The following LRRTM3 variants were observed in gnomAD, a reference collection of about 807,000 sequenced individuals.
LRRTM3 encodes the protein leucine-rich repeat transmembrane neuronal protein 3.
Under a neutral mutation model 44.7 loss-of-function variants are expected in LRRTM3, and 24 were observed. That is an observed-to-expected ratio of 0.54 (90% CI 0.39 to 0.76). LRRTM3 has a LOEUF of 0.76. Ranked by LOEUF, LRRTM3 falls within the 30% of genes least tolerant of loss-of-function variation. The pLI is 0.00. For synonymous variants in LRRTM3, 277 were observed against 278.7 expected, an observed-to-expected ratio of 0.99 and a Z score of 0.06; for missense variants, 587 against 702.2, an observed-to-expected ratio of 0.84 and a Z score of 1.85.
chr10:66,955,137 G>A (rs1848721633), intron 2 of LRRTM3, among the ~76,000 whole-genome samples: 1 of 152,020 alleles, frequency 6.6e-6, no homozygotes, highest in Non-Finnish European at 1.5e-5. Flanking sequence ...ACTTTTCCTA[G>A]GTGCCTTTGG....
At chr10:66,996,966 T>C (rs1851390301) in intron 2 of LRRTM3, among the ~76,000 whole-genome samples, 1 of 152,114 alleles carries the variant, frequency 6.6e-6, no homozygotes, top group Non-Finnish European at 1.5e-5. Flanking sequence ...TAATATTTTA[T>C]CTTGGATTAA....
chr10:67,031,823 CAAG>C (rs911045367), intron 2 of LRRTM3, among the ~76,000 whole-genome samples: 123 of 152,278 alleles, frequency 8.1e-4, no homozygotes, highest in African/African-American at 3.0e-3. Context: ...AATCCTGAAT[CAAG>C]AAGGACAGAT....
In LRRTM3 at chr10:67,046,035, A is replaced by G. The variant is rs1252725296; in HGVS notation, c.1537-51552A>G. On this transcript the variant is annotated intron_variant, in intron 2 of 2. Coordinates refer to ENST00000361320, the MANE Select transcript of LRRTM3 (RefSeq NM_178011.5). ...TGTATCATTACATAAAATAAAAGTGAAAAAGAAATACAACAAATTTCAGAC... is the reference window on the plus strand; with the variant it reads ...TGTATCATTACATAAAATAAAAGTGGAAAAGAAATACAACAAATTTCAGAC... 2.0e-5 allele frequency among the ~76,000 whole-genome samples: 3 copies of G among 152,328 alleles called. No homozygotes were observed. In the East Asian group the frequency reaches 5.8e-4, roughly 29 times the overall value.
At chr10:67,015,526 C>T (rs969377954) in intron 2 of LRRTM3, 4 of 152,136 alleles carry the variant, frequency 2.6e-5, no homozygotes, top group Admixed American at 2.6e-4. Flanking sequence ...AAATTGAAAG[C>T]CAACCTTTAT....
At chr10:67,061,515 G>T (rs1402376587) in intron 2 of LRRTM3, among the ~76,000 whole-genome samples, 1 of 152,088 alleles carries the variant, frequency 6.6e-6, no homozygotes, top group African/African-American at 2.4e-5. Context: ...ATCTTTAGCT[G>T]GAGTGGAGGC....
At position 67,029,134 on chromosome 10, in the gene LRRTM3, A is replaced by T. The variant is rs551174116; in HGVS notation, c.1537-68453A>T. ...TCTTTATGTCTCTCTACTGTTCAGCATAATCACCTCTTTTATTAGCTGATG... is the reference window on the plus strand; with the variant it reads ...TCTTTATGTCTCTCTACTGTTCAGCTTAATCACCTCTTTTATTAGCTGATG... On this transcript the variant is annotated intron_variant, in intron 2 of 2. Coordinates refer to ENST00000361320, the MANE Select transcript of LRRTM3 (RefSeq NM_178011.5). Among the ~76,000 whole-genome samples, 24 of 152,344 alleles carry T rather than the reference A, an allele frequency of 1.6e-4. 1 individual carries two copies. In the South Asian group the frequency reaches 3.9e-3, roughly 25 times the overall value.
At chr10:67,059,063 A>G (rs1388041027) in intron 2 of LRRTM3, among the ~76,000 whole-genome samples, 1 of 152,212 alleles carries the variant, frequency 6.6e-6, no homozygotes, top group African/African-American at 2.4e-5. Flanking sequence ...ATTGATAAAT[A>G]TCTGCACACA....
At chr10:66,968,578 TCTC>T (rs1307933983) in intron 2 of LRRTM3, among the ~76,000 whole-genome samples, 1 of 151,924 alleles carries the variant, frequency 6.6e-6, no homozygotes, top group Non-Finnish European at 1.5e-5. Flanking sequence ...AAAAAGGTTG[TCTC>T]CTCAGTGCCT....
chr10:66,926,038 C>A lies in LRRTM3; in HGVS notation c.-546C>A, dbSNP rs754874543. The A allele has an allele frequency of 4.4e-6, 2 of 456,932 alleles. No homozygotes were observed. Among genetic ancestry groups the A allele is most frequent in the South Asian group, 3.1e-5 (2 of 64,572 alleles). 28.3% of individuals were successfully genotyped at this position (456,932 alleles called of 1,614,324 possible). ...ACTGCATTCACTGAAACCAAAGCAA[C>A]AGTCCGAGCAGCTTTCAGAATGACA... On this transcript the variant is annotated 5_prime_UTR_variant, in exon 1 of 3. Coordinates refer to ENST00000361320, the MANE Select transcript of LRRTM3 (RefSeq NM_178011.5).
chr10:66,963,467 C>T (rs575526766), intron 2 of LRRTM3, among the ~76,000 whole-genome samples: 32 of 152,208 alleles, frequency 2.1e-4, no homozygotes, highest in Non-Finnish European at 3.8e-4. Context: ...CTCTTGACAA[C>T]GATTACTTTC....
At chr10:67,014,459 T>A (rs2133050639) in intron 2 of LRRTM3, among the ~76,000 whole-genome samples, 1 of 152,320 alleles carries the variant, frequency 6.6e-6, no homozygotes, top group South Asian at 2.1e-4. Context: ...GGTGCCTGTT[T>A]GTAACATATG....
intron 2 of LRRTM3, among the ~76,000 whole-genome samples, chr10:67,097,347 C>T (rs773861061): frequency 9.9e-5 from 15 of 151,878 alleles, no homozygotes; most frequent in Admixed American, 3.3e-4. Context: ...ATGTAGGCTA[C>T]TACTTATCCA....
chr10:66,972,662 G>A (rs1239699037), intron 2 of LRRTM3, among the ~76,000 whole-genome samples: 1 of 146,124 alleles, frequency 6.8e-6, no homozygotes, highest in Non-Finnish European at 1.5e-5. Context: ...AATATTAAAA[G>A]CTTTATATAG....
chr10:67,027,809 G>C (rs1853485064), intron 2 of LRRTM3, among the ~76,000 whole-genome samples: 1 of 152,046 alleles, frequency 6.6e-6, no homozygotes, highest in South Asian at 2.1e-4. Context: ...CCTACAAAGA[G>C]TATATTCGTT....
intron 2 of LRRTM3, 25 bp downstream of exon 2, chr10:66,928,477 G>T (rs780767820): frequency 6.5e-7 from 1 of 1,549,618 alleles, no homozygotes; most frequent in Non-Finnish European, 8.7e-7. Flanking sequence ...GATAAAAAGA[G>T]CTCTTAAAAG....
Position 67,010,444 on chromosome 10 carries a change from T to C in LRRTM3, c.1536+81992T>C, listed in dbSNP as rs117925055. On this transcript the variant is annotated intron_variant, in intron 2 of 2. Transcript: ENST00000361320. ...GTCACCTAATGTTGGATTGCTGACTTAATGATGCCTAATATCTCTCCAATT... is the reference window on the plus strand; with the variant it reads ...GTCACCTAATGTTGGATTGCTGACTCAATGATGCCTAATATCTCTCCAATT... Among the ~76,000 whole-genome samples, 10 of 152,366 alleles carry C rather than the reference T, an allele frequency of 6.6e-5. No homozygotes were observed. The East Asian group carries it at 1.9e-3, about 29-fold the overall frequency.
chr10:67,011,206 T>A (rs1852310045), intron 2 of LRRTM3, among the ~76,000 whole-genome samples: 1 of 151,954 alleles, frequency 6.6e-6, no homozygotes, highest in South Asian at 2.1e-4. Flanking sequence ...CCGGGTGTGG[T>A]GGTATGTGAC....
At position 67,099,327 on chromosome 10, in the gene LRRTM3, T is replaced by G. The variant is rs1040085322; in HGVS notation, c.*1531T>G. 4 of 150,022 alleles carry G rather than the reference T, an allele frequency of 2.7e-5. No individual in the cohort carries two copies. The highest frequency in any genetic ancestry group is 5.9e-5 in the Non-Finnish European group (4 of 67,238). The allele number at this position is 150,022 out of a possible 1,614,324, so 9.3% of individuals were successfully genotyped here. A position where few individuals can be genotyped will look rare whatever the true frequency, so the allele number is the denominator to read the frequency against. ...TCAATAGTAATCATGCATTCTTGTG[T>G]TTTTTTTTAATGGAAAACTGCAAGT... On this transcript the variant is annotated 3_prime_UTR_variant, in exon 3 of 3. Transcript: ENST00000361320.
intron 2 of LRRTM3, among the ~76,000 whole-genome samples, chr10:67,034,944 G>A (rs1286422973): frequency 6.6e-6 from 1 of 152,152 alleles, no homozygotes; most frequent in African/African-American, 2.4e-5. Context: ...CTTACTGCCT[G>A]AAATATGCCC....
Sources: gnomAD v4.1 joint callset for allele counts (sites outside exome capture counted in the v4.1 genomes callset) on GRCh38, gnomAD v4.1.1 for gene constraint, MANE v1.5 for transcripts, NCBI Gene and HGNC (gene_info 2026-07-23, HGNC 2026-07-21) for gene names.